Variants in RBFOX1 observed in about 807,000 individuals in gnomAD.
The protein encoded by RBFOX1 is RNA binding protein fox-1 homolog 1.
RBFOX1 carries 8 observed loss-of-function variants against 57.7 expected under a neutral mutation model. The observed-to-expected ratio is 0.14, with a 90% CI of 0.08 to 0.25. The LOEUF is 0.25. Ranked by LOEUF, RBFOX1 falls within the 10% of genes least tolerant of loss-of-function variation. The pLI, the probability that RBFOX1 is intolerant of heterozygous loss-of-function variation, is 1.00. For missense variants in RBFOX1, 611 were observed against 548.5 expected (o/e 1.11, Z -1.14); for synonymous variants, 326 against 222.4 (o/e 1.47, Z -4.15).
At chr16:7,132,277 G>T (rs115081215) in intron 4 of RBFOX1, among the ~76,000 whole-genome samples, 2 of 151,874 alleles carry the variant, frequency 1.3e-5, no homozygotes, top group Non-Finnish European at 2.9e-5. Context: ...TACCCTGTCC[G>T]GCCAGAGTCC....
In RBFOX1 at chr16:6,983,088, T is replaced by G. The variant is rs1327188147; in HGVS notation, c.-15-68969T>G. 4.7e-5 allele frequency among the ~76,000 whole-genome samples: 7 copies of G among 149,252 alleles called. No individual in the cohort carries two copies. The South Asian group carries it at 1.6e-3, about 34-fold the overall frequency. Reference sequence around the variant, plus strand: ...ACATCACATTACTGGGGAGTGGCCATGCTGAGACATGAGTTACAGTTTTCC... The same window carrying G: ...ACATCACATTACTGGGGAGTGGCCAGGCTGAGACATGAGTTACAGTTTTCC... On this transcript the variant is annotated intron_variant, in intron 3 of 15. Transcript: ENST00000550418.
intron 4 of RBFOX1, among the ~76,000 whole-genome samples, chr16:5,977,939 T>C (rs111871007): frequency 8.6e-5 from 13 of 152,032 alleles, no homozygotes; most frequent in Non-Finnish European, 1.8e-4. Flanking sequence ...TATTCCATGA[T>C]ATCCAGACAT....
chr16:6,654,351 A>T (rs150041565), intron 2 of RBFOX1, among the ~76,000 whole-genome samples: 32 of 152,346 alleles, frequency 2.1e-4, no homozygotes, highest in African/African-American at 7.5e-4. Context: ...CCTCTGATCC[A>T]TAGCCTTTGC....
At chr16:5,931,492 G>GA (rs2059055557) in intron 4 of RBFOX1, among the ~76,000 whole-genome samples, 2 of 152,114 alleles carry the variant, frequency 1.3e-5, no homozygotes, top group African/African-American at 4.8e-5. Context: ...TTTCCAGGCT[G>GA]AAAAAGCAAC....
chr16:6,859,173 ATG>A (rs1491321834), intron 3 of RBFOX1, among the ~76,000 whole-genome samples: 29 of 65,350 alleles, frequency 4.4e-4, no homozygotes, highest in African/African-American at 1.9e-3. Context: ...ACGTATATAT[ATG>A]TATATATATG....
chr16:6,378,770 C>T (rs1313638558), intron 2 of RBFOX1, among the ~76,000 whole-genome samples: 1 of 152,164 alleles, frequency 6.6e-6, no homozygotes. Context: ...TTATTTCCCT[C>T]ATTGCTATTA....
intron 2 of RBFOX1, among the ~76,000 whole-genome samples, chr16:6,615,445 C>T (rs2098128449): frequency 6.6e-6 from 1 of 152,042 alleles, no homozygotes; most frequent in Admixed American, 6.6e-5. Flanking sequence ...TGGTGGGTGC[C>T]TGTAATCCCA....
At chr16:5,376,211 C>T (rs929890063) in intron 1 of RBFOX1, among the ~76,000 whole-genome samples, 2 of 151,786 alleles carry the variant, frequency 1.3e-5, no homozygotes, top group Admixed American at 6.6e-5. Flanking sequence ...TCCAAGTTCA[C>T]AGCTAGTAAG....
chr16:6,195,713 C>A (rs1215323516), intron 1 of RBFOX1, among the ~76,000 whole-genome samples: 2 of 149,706 alleles, frequency 1.3e-5, no homozygotes, highest in African/African-American at 4.9e-5. Context: ...GGGAGAAACT[C>A]TGTCTTTAAA....
intron 4 of RBFOX1, among the ~76,000 whole-genome samples, chr16:5,944,148 G>A (rs888265492): frequency 6.6e-6 from 1 of 152,152 alleles, no homozygotes; most frequent in South Asian, 2.1e-4. Flanking sequence ...ATATCCTAAT[G>A]TACAAGATGG....
At chr16:5,413,004 G>A (rs550577173) in intron 1 of RBFOX1, among the ~76,000 whole-genome samples, 3 of 152,332 alleles carry the variant, frequency 2.0e-5, no homozygotes, top group Non-Finnish European at 4.4e-5. Context: ...TGCCTTCCTG[G>A]TGACAGCTCT....
intron 2 of RBFOX1, among the ~76,000 whole-genome samples, chr16:6,607,494 CTCTCTCTCCCCTCTCT>C (rs1055133947): frequency 6.8e-6 from 1 of 148,112 alleles, no homozygotes; most frequent in African/African-American, 2.5e-5. Context: ...CTCTTTCTTC[CTCTCTCTCCCCTCTCT>C]TCTCTCTCCT....
chr16:5,480,335 A>G (rs2069484814), intron 2 of RBFOX1, among the ~76,000 whole-genome samples: 1 of 152,100 alleles, frequency 6.6e-6, no homozygotes, highest in Non-Finnish European at 1.5e-5. Flanking sequence ...TGTACTACAC[A>G]TCCATAAACA....
At chr16:5,838,268 A>G (rs773031425) in intron 3 of RBFOX1, 6 of 227,750 alleles carry the variant, frequency 2.6e-5, no homozygotes, top group Non-Finnish European at 5.6e-5. Context: ...AGGTGACAAC[A>G]GCTCCTGAGG....
chr16:7,518,344 G>A lies in RBFOX1; in HGVS notation c.225G>A (p.Gln75=), dbSNP rs773850324. 1 of 1,613,704 alleles carries A rather than the reference G, an allele frequency of 6.2e-7. No individual in the cohort carries two copies. The highest frequency in any genetic ancestry group is 8.5e-7 in the Non-Finnish European group (1 of 1,179,784). ...LYPPAQTHSE[Q]SPADTSAQTV... Reference sequence around the variant, plus strand: ...CTCCCGCCCAGACGCACTCCGAGCAGAGCCCGGCGGACACGAGCGCTCAGA... The same window carrying A: ...CTCCCGCCCAGACGCACTCCGAGCAAAGCCCGGCGGACACGAGCGCTCAGA... Residue 75 remains glutamine, a synonymous_variant, in exon 5 of 16, where the codon CAG becomes CAA. Coordinates refer to ENST00000550418, the MANE Select transcript of RBFOX1 (RefSeq NM_018723.4).
intron 1 of RBFOX1, among the ~76,000 whole-genome samples, chr16:6,083,255 G>A (rs995925117): frequency 2.0e-5 from 3 of 152,004 alleles, no homozygotes; most frequent in African/African-American, 4.8e-5. Context: ...TGCCCGCCTC[G>A]GCCTCCCAAA....
At chr16:6,641,640 C>T (rs1368000557) in intron 2 of RBFOX1, among the ~76,000 whole-genome samples, 1 of 149,726 alleles carries the variant, frequency 6.7e-6, no homozygotes, top group South Asian at 2.1e-4. Context: ...GAGGCTGAGA[C>T]GGGAGAATCA....
chr16:6,080,603 T>A (rs1446113350), intron 1 of RBFOX1, among the ~76,000 whole-genome samples: 3 of 152,222 alleles, frequency 2.0e-5, no homozygotes, highest in Non-Finnish European at 2.9e-5. Context: ...TTACATCAAA[T>A]GACACATAGC....
intron 1 of RBFOX1, among the ~76,000 whole-genome samples, chr16:6,314,073 C>T (rs1450328392): frequency 6.6e-6 from 1 of 152,104 alleles, no homozygotes. Flanking sequence ...TGGGTTTGGA[C>T]TCAGATGGAC....
Sources: allele counts gnomAD v4.1 joint callset (sites outside exome capture counted in the v4.1 genomes callset), GRCh38; gene constraint gnomAD v4.1.1; transcripts MANE v1.5; gene names NCBI Gene and HGNC (gene_info 2026-07-23, HGNC 2026-07-21).